Variants in PYGO1 observed in about 807,000 individuals in gnomAD.
PYGO1 encodes pygopus family PHD finger 1.
A neutral mutation model predicts 29.5 loss-of-function variants in PYGO1; 6 were observed. The observed-to-expected ratio is 0.20, with a 90% CI of 0.11 to 0.40. The LOEUF (loss-of-function observed/expected upper bound fraction) is 0.40, where lower values mean the gene tolerates loss of function less well. Ranked by LOEUF, PYGO1 falls within the 10% of genes least tolerant of loss-of-function variation. The probability of loss-of-function intolerance (pLI) is 1.00; values close to 1 mark genes in which losing one functional copy is unlikely to be tolerated. For synonymous variants in PYGO1, 186 were observed against 180.5 expected (o/e 1.03, Z -0.24); for missense variants, 515 against 514.9 (o/e 1.00, Z 0.00).
Position 55,545,121 on chromosome 15 carries a change from C to G in PYGO1, c.*902G>C, listed in dbSNP as rs1465795965. 6.6e-6 allele frequency: 1 copy of G among 152,160 alleles called. No homozygotes were observed. The highest frequency in any genetic ancestry group is 2.4e-5 in the African/African-American group (1 of 41,440). 9.4% of individuals were successfully genotyped at this position (152,160 alleles called of 1,614,324 possible). ...GAGTAGTTCTTTTACTAGCAGAGCC[C>G]TCTAAGGCCAAATGGATGTTTCTAC... is the stretch of plus-strand genomic sequence containing the variant. On this transcript the variant is annotated 3_prime_UTR_variant, in exon 3 of 3. Coordinates refer to ENST00000563719, the MANE Select transcript of PYGO1 (RefSeq NM_001367806.1).
chr15:55,581,331 A>G (rs1301454896), intron 1 of PYGO1, among the ~76,000 whole-genome samples: 5 of 152,218 alleles, frequency 3.3e-5, no homozygotes, highest in African/African-American at 1.2e-4. Flanking sequence ...AGGAAGTGTG[A>G]ATACTGCAGA....
At chr15:55,564,300 A>G (rs2058946083) in intron 1 of PYGO1, among the ~76,000 whole-genome samples, 1 of 152,206 alleles carries the variant, frequency 6.6e-6, no homozygotes, top group Non-Finnish European at 1.5e-5. Context: ...GTTGTAAGTA[A>G]AAGAAGCCAG....
chr15:55,566,468 C>CA (rs2058957384), intron 1 of PYGO1, among the ~76,000 whole-genome samples: 1 of 151,404 alleles, frequency 6.6e-6, no homozygotes, highest in Non-Finnish European at 1.5e-5. Flanking sequence ...AGTCTTTATC[C>CA]AATCCACCAC....
chr15:55,555,477 G>C (rs1450833593), intron 1 of PYGO1, among the ~76,000 whole-genome samples: 1 of 136,626 alleles, frequency 7.3e-6, no homozygotes, highest in African/African-American at 2.8e-5. Flanking sequence ...CATGATGACA[G>C]GATCAAATTC....
intron 1 of PYGO1, among the ~76,000 whole-genome samples, chr15:55,570,773 C>T (rs1419233576): frequency 6.6e-6 from 1 of 151,948 alleles, no homozygotes; most frequent in Non-Finnish European, 1.5e-5. Context: ...TGGGCTTTGT[C>T]TTATGCTTAA....
intron 1 of PYGO1, among the ~76,000 whole-genome samples, chr15:55,574,464 C>T (rs958682773): frequency 2.0e-5 from 3 of 152,042 alleles, no homozygotes; most frequent in African/African-American, 4.8e-5. Flanking sequence ...GTAAGTTTTA[C>T]GGTAGTAAAT....
At chr15:55,579,734 A>T (rs1376208059) in intron 1 of PYGO1, among the ~76,000 whole-genome samples, 1 of 152,218 alleles carries the variant, frequency 6.6e-6, no homozygotes, top group African/African-American at 2.4e-5. Flanking sequence ...AAAATGCTGT[A>T]ATTTATAAAT....
intron 1 of PYGO1, among the ~76,000 whole-genome samples, chr15:55,581,563 C>G (rs1567060555): frequency 1.3e-5 from 2 of 152,040 alleles, no homozygotes; most frequent in South Asian, 4.2e-4. Context: ...GATCTTGGGC[C>G]CTAGATTTTG....
intron 1 of PYGO1, among the ~76,000 whole-genome samples, chr15:55,566,157 G>A (rs1306862390): frequency 6.6e-6 from 1 of 152,248 alleles, no homozygotes; most frequent in East Asian, 1.9e-4. Context: ...ATGATGCTGA[G>A]GTTTGAGGTG....
upstream of PYGO1, chr15:55,588,658 C>G (rs1486595199): frequency 1.0e-5 from 7 of 692,406 alleles, no homozygotes; most frequent in African/African-American, 5.7e-5. Flanking sequence ...GCTCCCTCGC[C>G]GACCGCCAGG....
chr15:55,574,517 A>C (rs1415635763), intron 1 of PYGO1, among the ~76,000 whole-genome samples: 1 of 152,192 alleles, frequency 6.6e-6, no homozygotes, highest in Non-Finnish European at 1.5e-5. Context: ...TGCAGTCATG[A>C]CAGACTTAAC....
intron 1 of PYGO1, among the ~76,000 whole-genome samples, chr15:55,557,561 T>A: frequency 6.6e-6 from 1 of 152,074 alleles, no homozygotes; most frequent in Non-Finnish European, 1.5e-5. Context: ...TTTAGACCAA[T>A]CTCCCTGATG....
In PYGO1 at chr15:55,545,725, C is replaced by A; in HGVS notation, c.*298G>T. On this transcript the variant is annotated 3_prime_UTR_variant, in exon 3 of 3. Coordinates refer to ENST00000563719, the MANE Select transcript of PYGO1 (RefSeq NM_001367806.1). ...TGATTCTAACTTTTAAAAGTTAAAA[C>A]TTGCCTACATTTGTTATATATTATT... is the stretch of plus-strand genomic sequence containing the variant. 1 of 228,204 alleles carries A rather than the reference C, an allele frequency of 4.4e-6. No homozygotes were observed. Among genetic ancestry groups the A allele is most frequent in the Admixed American group, 5.3e-5 (1 of 19,000 alleles). The allele number at this position is 228,204 out of a possible 1,614,324, so 14.1% of individuals were successfully genotyped here.
intron 1 of PYGO1, among the ~76,000 whole-genome samples, chr15:55,562,680 A>G (rs900144767): frequency 1.3e-5 from 2 of 152,150 alleles, no homozygotes. Context: ...CAAAAAAAAA[A>G]AAGAAAAATC....
chr15:55,544,356 C>A lies in PYGO1; in HGVS notation c.*1667G>T, dbSNP rs1355295813. 1 of 152,160 alleles carries A rather than the reference C, an allele frequency of 6.6e-6. No homozygotes were observed. The highest frequency in any genetic ancestry group is 1.5e-5 in the Non-Finnish European group (1 of 68,018). 9.4% of individuals were successfully genotyped at this position (152,160 alleles called of 1,614,324 possible). ...TGTTAACATCTTCCAGTTACTTCATCTCGATTGGGGAATGCATTGTTTCTT... is the reference window on the plus strand; with the variant it reads ...TGTTAACATCTTCCAGTTACTTCATATCGATTGGGGAATGCATTGTTTCTT... On this transcript the variant is annotated 3_prime_UTR_variant, in exon 3 of 3. Coordinates refer to ENST00000563719, the MANE Select transcript of PYGO1 (RefSeq NM_001367806.1).
chr15:55,545,514 T>C lies in PYGO1; in HGVS notation c.*509A>G, dbSNP rs532438649. The C allele has an allele frequency of 1.3e-5, 2 of 152,502 alleles. No homozygotes were observed. Among genetic ancestry groups the C allele is most frequent in the East Asian group, 1.9e-4 (1 of 5,188 alleles). The allele number at this position is 152,502 out of a possible 1,614,324, so 9.4% of individuals were successfully genotyped here. A position where few individuals can be genotyped will look rare whatever the true frequency, so the allele number is the denominator to read the frequency against. On this transcript the variant is annotated 3_prime_UTR_variant, in exon 3 of 3. Coordinates refer to ENST00000563719, the MANE Select transcript of PYGO1 (RefSeq NM_001367806.1). ...TGAAATTCATTGATTCCAAAGACCC[T>C]AGTGGAGGAGGAATCTGGTGTCATA...
At chr15:55,588,900 G>A (rs1330501033), upstream of PYGO1, 6 of 1,584,954 alleles carry the variant, frequency 3.8e-6, no homozygotes, top group Non-Finnish European at 5.2e-6. Flanking sequence ...CCGTGGTGTG[G>A]ACACCTGTCT....
intron 1 of PYGO1, among the ~76,000 whole-genome samples, chr15:55,581,935 A>C (rs1033211797): frequency 6.6e-6 from 1 of 152,144 alleles, no homozygotes; most frequent in African/African-American, 2.4e-5. Flanking sequence ...GGCCGGGCGC[A>C]GTGGCTCATG....
At chr15:55,548,220 A>C (rs1342768738) in intron 2 of PYGO1, among the ~76,000 whole-genome samples, 1 of 151,038 alleles carries the variant, frequency 6.6e-6, no homozygotes, top group Non-Finnish European at 1.5e-5. Context: ...GGCTTTCCCC[A>C]TGTTGGCCAG....
Sources: gnomAD v4.1 joint callset for allele counts (sites outside exome capture counted in the v4.1 genomes callset) on GRCh38, gnomAD v4.1.1 for gene constraint, MANE v1.5 for transcripts, NCBI Gene and HGNC (gene_info 2026-07-23, HGNC 2026-07-21) for gene names.